SGCZ: variants seen among roughly 807,000 people sequenced by gnomAD.
SGCZ encodes the protein zeta-sarcoglycan.
In SGCZ, 40 loss-of-function variants were observed where a neutral mutation model predicts 41.3. The observed-to-expected ratio is 0.97, with a 90% CI of 0.75 to 1.26. The LOEUF (loss-of-function observed/expected upper bound fraction) is 1.26. Among genes scored for constraint, SGCZ ranks in the 50% most tolerant of loss-of-function variants. SGCZ has a pLI of 0.00. For synonymous variants in SGCZ, 206 were observed against 137.5 expected (o/e 1.50, Z -3.49); for missense variants, 552 against 369.8 (o/e 1.49, Z -4.04).
chr8:15,207,951 G>C (rs563864291), intron 1 of SGCZ, among the ~76,000 whole-genome samples: 1 of 152,274 alleles, frequency 6.6e-6, no homozygotes, highest in African/African-American at 2.4e-5. Flanking sequence ...ATATGGACTG[G>C]TGAATGTCTG....
chr8:14,413,724 T>C (rs1799421490), intron 2 of SGCZ, among the ~76,000 whole-genome samples: 1 of 151,962 alleles, frequency 6.6e-6, no homozygotes, highest in African/African-American at 2.4e-5. Flanking sequence ...TGCATCTTCT[T>C]TGTCTATGCT....
At chr8:14,160,165 A>G (rs1803996808) in intron 5 of SGCZ, among the ~76,000 whole-genome samples, 1 of 152,188 alleles carries the variant, frequency 6.6e-6, no homozygotes, top group Admixed American at 6.5e-5. Context: ...CCTCTTTTAC[A>G]TCATAGAAAA....
chr8:14,630,789 C>T (rs1349647460), intron 1 of SGCZ, among the ~76,000 whole-genome samples: 1 of 146,322 alleles, frequency 6.8e-6, no homozygotes, highest in South Asian at 2.1e-4. Flanking sequence ...CCAAACACCA[C>T]GTGTTCTCAC....
At chr8:14,623,054 T>G (rs571442435) in intron 1 of SGCZ, among the ~76,000 whole-genome samples, 5 of 152,244 alleles carry the variant, frequency 3.3e-5, no homozygotes, top group African/African-American at 9.6e-5. Flanking sequence ...TCCAGGAACA[T>G]ACCAAAACAA....
chr8:14,625,715 G>A (rs28624754), intron 1 of SGCZ, among the ~76,000 whole-genome samples: 50,900 of 151,986 alleles, frequency 0.33, 8,811 homozygotes, highest in East Asian at 0.63. Context: ...AAAGGCATGA[G>A]CCAGCACACC....
chr8:14,727,639 T>C (rs1292051905), intron 1 of SGCZ, among the ~76,000 whole-genome samples: 1 of 151,364 alleles, frequency 6.6e-6, no homozygotes, highest in African/African-American at 2.4e-5. Flanking sequence ...GCCTCCCGAG[T>C]AGCTGGGACT....
intron 1 of SGCZ, among the ~76,000 whole-genome samples, chr8:15,049,184 T>C (rs1414040493): frequency 6.6e-6 from 1 of 152,076 alleles, no homozygotes; most frequent in Non-Finnish European, 1.5e-5. Context: ...GGAAGGAGAA[T>C]AGGTAAGTGT....
intron 1 of SGCZ, among the ~76,000 whole-genome samples, chr8:14,954,273 G>C (rs929999322): frequency 2.0e-5 from 3 of 152,026 alleles, no homozygotes; most frequent in Admixed American, 6.6e-5. Flanking sequence ...TATGGAAAAG[G>C]TTTATAAGTA....
At chr8:15,050,995 C>G (rs1184669023) in intron 1 of SGCZ, among the ~76,000 whole-genome samples, 1 of 152,158 alleles carries the variant, frequency 6.6e-6, no homozygotes, top group Admixed American at 6.6e-5. Flanking sequence ...CAAGAAACAT[C>G]ACATATTTGT....
intron 2 of SGCZ, among the ~76,000 whole-genome samples, chr8:14,392,658 T>A (rs1804817072): frequency 6.6e-6 from 1 of 152,168 alleles, no homozygotes. Context: ...TTACTTGAAA[T>A]ACATGAATAA....
chr8:14,644,678 CT>C (rs1180359129), intron 1 of SGCZ, among the ~76,000 whole-genome samples: 2 of 151,742 alleles, frequency 1.3e-5, no homozygotes, highest in East Asian at 3.9e-4. Context: ...TTATGGCATG[CT>C]TCAAAATTTT....
chr8:14,483,060 C>A (rs943176062), intron 2 of SGCZ, among the ~76,000 whole-genome samples: 3 of 152,106 alleles, frequency 2.0e-5, no homozygotes, highest in African/African-American at 4.8e-5. Flanking sequence ...AACACAATTT[C>A]TCTCTCATTT....
intron 2 of SGCZ, among the ~76,000 whole-genome samples, chr8:14,514,805 GTGTGTGTGTATA>G (rs1358288303): frequency 3.5e-4 from 25 of 72,040 alleles, no homozygotes; most frequent in Non-Finnish European, 6.1e-4. Context: ...GTGTGTGTGT[GTGTGTGTGTATA>G]TATACACGCA....
chr8:14,967,934 A>G (rs1413455639), intron 1 of SGCZ, among the ~76,000 whole-genome samples: 1 of 152,148 alleles, frequency 6.6e-6, no homozygotes, highest in South Asian at 2.1e-4. Context: ...GACCTCCAAA[A>G]GCAAATTATT....
chr8:14,978,235 AG>A (rs71209095), intron 1 of SGCZ, among the ~76,000 whole-genome samples: 2 of 151,368 alleles, frequency 1.3e-5, no homozygotes, highest in African/African-American at 2.4e-5. Context: ...TAGGAGGCTG[AG>A]GGGGGTGGAT....
At chr8:15,172,816 C>G (rs575635026) in intron 1 of SGCZ, among the ~76,000 whole-genome samples, 2 of 152,224 alleles carry the variant, frequency 1.3e-5, no homozygotes, top group East Asian at 1.9e-4. Context: ...TGCAATACCA[C>G]AAACAAGATT....
Position 14,456,706 on chromosome 8 carries a change from A to T in SGCZ, c.234+98026T>A, listed in dbSNP as rs141639932. Among the ~76,000 whole-genome samples, 890 of 152,296 alleles carry T rather than the reference A, an allele frequency of 5.8e-3. 6 individuals are homozygous for T. Among genetic ancestry groups the T allele is most frequent in the African/African-American group, 0.019 (800 of 41,578 alleles). ...TCGCACTTTTCTGAATATACATGGG[A>T]TATAGTTTGAATATATGTCCTCACC... On this transcript the variant is annotated intron_variant, in intron 2 of 7. Coordinates refer to ENST00000382080, the MANE Select transcript of SGCZ (RefSeq NM_139167.4).
intron 3 of SGCZ, among the ~76,000 whole-genome samples, chr8:14,305,429 G>A (rs193221765): frequency 2.0e-5 from 3 of 152,246 alleles, no homozygotes; most frequent in African/African-American, 7.2e-5. Context: ...GAGGTTTCAT[G>A]AGGTCTATAT....
At chr8:15,025,846 T>C (rs1298500814) in intron 1 of SGCZ, among the ~76,000 whole-genome samples, 1 of 152,224 alleles carries the variant, frequency 6.6e-6, no homozygotes, top group Non-Finnish European at 1.5e-5. Flanking sequence ...TCCTAAACTG[T>C]AATTTTTATA....
Sources: allele counts gnomAD v4.1 joint callset (sites outside exome capture counted in the v4.1 genomes callset), GRCh38; gene constraint gnomAD v4.1.1; transcripts MANE v1.5; gene names NCBI Gene and HGNC (gene_info 2026-07-23, HGNC 2026-07-21).